The following PTCHD4 variants were observed in gnomAD, a reference collection of about 807,000 sequenced individuals.
PTCHD4 encodes patched domain containing 4, also known as patched domain-containing protein 4.
In PTCHD4, 33 loss-of-function variants were observed where a neutral mutation model predicts 58.1. The observed-to-expected ratio is 0.57, with a 90% confidence interval of 0.43 to 0.76. PTCHD4 has a LOEUF of 0.76. Among genes scored for constraint, PTCHD4 ranks in the 30% least tolerant of loss-of-function variants. The pLI, the probability that PTCHD4 is intolerant of heterozygous loss-of-function variation, is 0.00. For missense variants in PTCHD4, 1,058 were observed against 1,027.1 expected (o/e 1.03, Z -0.41); for synonymous variants, 478 against 409.6 (o/e 1.17, Z -2.02).
chr6:47,956,153 G>A (rs2113957706), intron 4 of PTCHD4, among the ~76,000 whole-genome samples: 1 of 152,306 alleles, frequency 6.6e-6, no homozygotes, highest in South Asian at 2.1e-4. Flanking sequence ...TATTACACAT[G>A]AGTGGAGAGT....
Position 47,875,496 on chromosome 6 carries a change from TG to T in PTCHD4, c.*2806del, listed in dbSNP as rs977315733. Among the ~76,000 whole-genome samples, 1 of 151,828 alleles carries T rather than the reference TG, an allele frequency of 6.6e-6. No individual in the cohort carries two copies. The highest frequency in any genetic ancestry group is 2.4e-5 in the African/African-American group (1 of 41,386). ...TAGGACTGCATTAAGACACTTTAGG[TG>T]GTATATTAACTCTTCCAGAACAAAT... On this transcript the variant is annotated 3_prime_UTR_variant, in exon 5 of 5. Transcript: ENST00000339488.
intron 4 of PTCHD4, among the ~76,000 whole-genome samples, chr6:47,884,914 G>A (rs1235514123): frequency 6.6e-6 from 1 of 152,176 alleles, no homozygotes; most frequent in African/African-American, 2.4e-5. Flanking sequence ...TGTAAACTAT[G>A]AAGAGGTAGT....
At chr6:48,026,862 T>C (rs1321205930) in intron 3 of PTCHD4, among the ~76,000 whole-genome samples, 1 of 151,704 alleles carries the variant, frequency 6.6e-6, no homozygotes, top group Non-Finnish European at 1.5e-5. Context: ...ATCTTCTTGA[T>C]GATTATTCGT....
intron 4 of PTCHD4, among the ~76,000 whole-genome samples, chr6:47,974,899 C>G (rs973349832): frequency 6.6e-6 from 1 of 152,152 alleles, no homozygotes; most frequent in Admixed American, 6.6e-5. Flanking sequence ...AATTTATAAT[C>G]AAACTATAGC....
At position 47,929,989 on chromosome 6, in the gene PTCHD4, T is replaced by C. The variant is rs115630762; in HGVS notation, c.899-50053A>G. Reference sequence around the variant, plus strand: ...TTCACTTTTTACATGACAAAATGCATAGAGTCTGAAGTAAGAAACTTGTTC... The same window carrying C: ...TTCACTTTTTACATGACAAAATGCACAGAGTCTGAAGTAAGAAACTTGTTC... On this transcript the variant is annotated intron_variant, in intron 4 of 4. Transcript: ENST00000339488. Among the ~76,000 whole-genome samples, 582 of 152,374 alleles carry C rather than the reference T, an allele frequency of 3.8e-3. 7 individuals are homozygous for C. The highest frequency in any genetic ancestry group is 0.024 in the Middle Eastern group (7 of 294).
At chr6:48,087,291 A>G (rs927329837) in intron 1 of PTCHD4, among the ~76,000 whole-genome samples, 16 of 152,200 alleles carry the variant, frequency 1.1e-4, no homozygotes, top group African/African-American at 3.6e-4. Context: ...CAGTCTATCC[A>G]GTATTTTCAG....
At chr6:47,895,922 A>G (rs952091281) in intron 4 of PTCHD4, among the ~76,000 whole-genome samples, 5 of 152,180 alleles carry the variant, frequency 3.3e-5, no homozygotes, top group Admixed American at 3.3e-4. Context: ...AGTATCATAT[A>G]GCAATGAAAA....
chr6:47,912,601 A>C (rs183435724), intron 4 of PTCHD4, among the ~76,000 whole-genome samples: 3 of 152,166 alleles, frequency 2.0e-5, no homozygotes, highest in Admixed American at 6.5e-5. Context: ...ACCTTCTTTG[A>C]ATGTTTTCTT....
intron 4 of PTCHD4, among the ~76,000 whole-genome samples, chr6:47,935,998 C>A (rs1309895882): frequency 6.6e-6 from 1 of 152,098 alleles, no homozygotes; most frequent in Non-Finnish European, 1.5e-5. Context: ...ATACAATGGG[C>A]ATTGTAGGCC....
rs1239636048 is a variant in PTCHD4 at position 48,069,403 on chromosome 6, G to A, written c.-446C>T. The stretch of plus-strand genomic sequence containing the variant: ...CAGGGCTCCAGGAGACAGCCTTCTC[G>A]CCCCTCCAGTTTCCCTGTGCCCTCG... On this transcript the variant is annotated 5_prime_UTR_variant, in exon 2 of 5. Transcript: ENST00000339488. Among the ~76,000 whole-genome samples, 1 of 152,106 alleles carries A rather than the reference G, an allele frequency of 6.6e-6. No individual in the cohort carries two copies. Among genetic ancestry groups the A allele is most frequent in the African/African-American group, 2.4e-5 (1 of 41,410 alleles).
chr6:48,044,984 T>C (rs1216011112), intron 3 of PTCHD4, among the ~76,000 whole-genome samples: 1 of 151,744 alleles, frequency 6.6e-6, no homozygotes, highest in Non-Finnish European at 1.5e-5. Flanking sequence ...TCCCACACAT[T>C]ACAGAATATG....
intron 4 of PTCHD4, among the ~76,000 whole-genome samples, chr6:47,886,808 A>G (rs1258791790): frequency 1.3e-5 from 2 of 152,202 alleles, no homozygotes; most frequent in African/African-American, 2.4e-5. Context: ...ATTCCTACTT[A>G]GCATGTTCTC....
intron 4 of PTCHD4, among the ~76,000 whole-genome samples, chr6:47,916,028 A>T (rs1285267486): frequency 1.3e-5 from 2 of 152,060 alleles, no homozygotes; most frequent in Non-Finnish European, 2.9e-5. Context: ...AGAGAGTGTG[A>T]TGTGTGTTCA....
intron 4 of PTCHD4, among the ~76,000 whole-genome samples, chr6:47,973,361 CACTT>C (rs1290175935): frequency 6.6e-6 from 1 of 152,198 alleles, no homozygotes; most frequent in Non-Finnish European, 1.5e-5. Context: ...AAGAAGCTTT[CACTT>C]ACTTTTACTT....
intron 4 of PTCHD4, among the ~76,000 whole-genome samples, chr6:47,968,149 G>T (rs1003021279): frequency 1.3e-5 from 2 of 152,082 alleles, no homozygotes. Flanking sequence ...AGAGGTCATT[G>T]CAGGGTTATT....
At chr6:47,995,167 A>G (rs1325708) in intron 4 of PTCHD4, among the ~76,000 whole-genome samples, 147,712 of 152,278 alleles carry the variant, frequency 0.97, 71,652 homozygotes, top group East Asian at 1. Context: ...CAGAAACACT[A>G]TTTACTTAGT....
intron 3 of PTCHD4, among the ~76,000 whole-genome samples, chr6:48,026,579 T>C (rs972454603): frequency 1.3e-5 from 2 of 152,108 alleles, no homozygotes; most frequent in Admixed American, 6.6e-5. Flanking sequence ...CTGCCAGACC[T>C]TTCCCTTCAC....
intron 3 of PTCHD4, among the ~76,000 whole-genome samples, chr6:48,059,391 A>T (rs1249737451): frequency 6.6e-6 from 1 of 152,208 alleles, no homozygotes. Context: ...CTGTAATCCC[A>T]GCACTTTGGG....
At chr6:47,943,773 A>G (rs1233098693) in intron 4 of PTCHD4, among the ~76,000 whole-genome samples, 1 of 152,054 alleles carries the variant, frequency 6.6e-6, no homozygotes, top group African/African-American at 2.4e-5. Flanking sequence ...CCCTTCAGGG[A>G]AGTTTCTTTC....
Sources: allele counts gnomAD v4.1 joint callset (sites outside exome capture counted in the v4.1 genomes callset), GRCh38; gene constraint gnomAD v4.1.1; transcripts MANE v1.5; gene names NCBI Gene and HGNC (gene_info 2026-07-23, HGNC 2026-07-21).